Variants in LRRC53 observed in about 807,000 individuals in gnomAD.
The protein encoded by LRRC53 is leucine-rich repeat-containing protein 53.
A neutral mutation model predicts 13.6 loss-of-function variants in LRRC53; 25 were observed. The ratio of observed to expected loss-of-function variants is 1.83; its 90% CI spans 1.34 to 2.56. The LOEUF is 2.56. Among genes scored for constraint, LRRC53 ranks in the 30% most tolerant of loss-of-function variants. The probability of loss-of-function intolerance (pLI) is 0.00; values close to 1 mark genes in which losing one functional copy is unlikely to be tolerated. For missense variants in LRRC53, 527 were observed against 275.8 expected (o/e 1.91, Z -6.45); for synonymous variants, 204 against 109.8 (o/e 1.86, Z -5.37).
At position 74,475,417 on chromosome 1, in the gene LRRC53, C is replaced by G. The variant is rs17095400; in HGVS notation, c.1298G>C (p.Arg433Thr). ...SECSEPPGNM[R>T]AFNEAGLLTT... is the part of the protein sequence containing the mutation. ...AAGTAAGCCTGCTTCATTAAAAGCTCTCATATTTCCAGGAGGCTCTGAACA... is the reference window on the plus strand; with the variant it reads ...AAGTAAGCCTGCTTCATTAAAAGCTGTCATATTTCCAGGAGGCTCTGAACA... The change falls in exon 4 of 5, where the codon AGA (arginine) becomes ACA (threonine). Residue 433 changes from arginine (R) to threonine (T), a missense_variant. By Grantham distance (71) the Arg-to-Thr change is moderately conservative. Coordinates refer to ENST00000294635, the MANE Select transcript of LRRC53 (RefSeq NM_001382280.1). The G allele has an allele frequency of 4.9e-3, 3,527 of 717,080 alleles. 93 individuals are homozygous for G. In the African/African-American group the frequency reaches 0.055, roughly 11 times the overall value. The allele number at this position is 717,080 out of a possible 1,614,324, so 44.4% of individuals were successfully genotyped here. A position where few individuals can be genotyped will look rare whatever the true frequency, so the allele number is the denominator to read the frequency against.
rs1013059215 is a variant in LRRC53, at chr1:74,483,251, A to G, written c.88+11T>C. On this transcript the variant is annotated intron_variant, in intron 2 of 4. Coordinates refer to ENST00000294635, the MANE Select transcript of LRRC53 (RefSeq NM_001382280.1). The stretch of plus-strand genomic sequence containing the variant: ...CTGAGCACTGCTTTTTAGAGTTATT[A>G]GTTTTATTACCTACTATATAGGTTA... 2.8e-6 allele frequency: 2 copies of G among 716,904 alleles called. No homozygotes were observed. The highest frequency in any genetic ancestry group is 5.4e-5 in the East Asian group (2 of 37,268). The allele number at this position is 716,904 out of a possible 1,614,324, so 44.4% of individuals were successfully genotyped here.
At chr1:74,499,690 A>G (rs1669512140) in intron 1 of LRRC53, among the ~76,000 whole-genome samples, 1 of 152,162 alleles carries the variant, frequency 6.6e-6, no homozygotes, top group Non-Finnish European at 1.5e-5. Context: ...CCCACCAAAA[A>G]AATGAGATTT....
At chr1:74,518,210 G>A in the LRRC53 span, among the ~76,000 whole-genome samples, 1 of 151,954 alleles carries the variant, frequency 6.6e-6, no homozygotes, top group Non-Finnish European at 1.5e-5. Context: ...GATCAATGGA[G>A]GAAAAAAGAG....
At chr1:74,473,555 T>C (rs949110985) in intron 4 of LRRC53, among the ~76,000 whole-genome samples, 1 of 151,498 alleles carries the variant, frequency 6.6e-6, no homozygotes, top group African/African-American at 2.4e-5. Flanking sequence ...ATTTTTAACA[T>C]TGTTAGGTGT....
At chr1:74,500,973 A>T (rs1669595638) in intron 1 of LRRC53, among the ~76,000 whole-genome samples, 1 of 152,020 alleles carries the variant, frequency 6.6e-6, no homozygotes, top group Non-Finnish European at 1.5e-5. Flanking sequence ...TTTACTTGTG[A>T]TATATTATGT....
At chr1:74,472,238 A>G (rs939145862) in intron 4 of LRRC53, 37 bp from the exon 5 acceptor site, 2 of 713,806 alleles carry the variant, frequency 2.8e-6, no homozygotes, top group East Asian at 2.7e-5. Context: ...AGCACTTAGC[A>G]GAGTTTTATT....
intron 1 of LRRC53, among the ~76,000 whole-genome samples, chr1:74,490,050 TAA>T (rs36063099): frequency 3.7e-3 from 158 of 42,902 alleles, no homozygotes; most frequent in African/African-American, 0.011. Flanking sequence ...TTTTTTTTTC[TAA>T]AAAAAAAAAA....
At chr1:74,534,498 C>T in the LRRC53 span, among the ~76,000 whole-genome samples, 1 of 152,228 alleles carries the variant, frequency 6.6e-6, no homozygotes, top group South Asian at 2.1e-4. Flanking sequence ...TTGGAAGCCA[C>T]AACACTGTCT....
the LRRC53 span, among the ~76,000 whole-genome samples, chr1:74,519,960 T>C: frequency 6.6e-6 from 1 of 152,162 alleles, no homozygotes; most frequent in Non-Finnish European, 1.5e-5. Flanking sequence ...CTTTGGATAC[T>C]GCCATTTTCT....
At chr1:74,477,766 T>C (rs1172495028) in intron 3 of LRRC53, among the ~76,000 whole-genome samples, 2 of 152,198 alleles carry the variant, frequency 1.3e-5, no homozygotes, top group Non-Finnish European at 2.9e-5. Flanking sequence ...CAAATGAAGC[T>C]TGTAGGCAGG....
intron 1 of LRRC53, among the ~76,000 whole-genome samples, chr1:74,498,501 T>A (rs1669449927): frequency 6.6e-6 from 1 of 152,314 alleles, no homozygotes; most frequent in Non-Finnish European, 1.5e-5. Context: ...GCCTACAATA[T>A]CTCATTTATT....
At chr1:74,531,633 T>G in the LRRC53 span, among the ~76,000 whole-genome samples, 1 of 152,350 alleles carries the variant, frequency 6.6e-6, no homozygotes, top group South Asian at 2.1e-4. Flanking sequence ...ATTATCCTAG[T>G]GTAAACACCT....
rs1246049000 is a variant in LRRC53 at position 74,480,604 on chromosome 1, G to A, written c.453C>T (p.Phe151=). ...TGAGACTGTGGAGATTCGTGCCTCC[G>A]AAAGAACTGTCTGTGAGATTAGTAA... The part of the protein sequence containing the change: ...NQITNLTDSS[F]GGTNLHSLRY... Residue 151 remains phenylalanine (F), a synonymous_variant, in exon 3 of 5, where the codon TTC becomes TTT. Transcript: ENST00000294635. 1 of 717,216 alleles carries A rather than the reference G, an allele frequency of 1.4e-6. No homozygotes were observed. The highest frequency in any genetic ancestry group is 2.6e-6 in the Non-Finnish European group (1 of 385,084). The allele number at this position is 717,216 out of a possible 1,614,324, so 44.4% of individuals were successfully genotyped here. A position where few individuals can be genotyped will look rare whatever the true frequency, so the allele number is the denominator to read the frequency against.
chr1:74,479,310 T>C (rs537798471), intron 3 of LRRC53, among the ~76,000 whole-genome samples: 2 of 152,358 alleles, frequency 1.3e-5, no homozygotes, highest in South Asian at 4.1e-4. Flanking sequence ...AGTGTCATTT[T>C]ATATTATTCA....
chr1:74,510,067 G>A (rs572707157), intron 1 of LRRC53, among the ~76,000 whole-genome samples: 1 of 152,176 alleles, frequency 6.6e-6, no homozygotes, highest in East Asian at 1.9e-4. Flanking sequence ...TATTGCTTGT[G>A]TATTCTTTGG....
chr1:74,522,927 T>C, the LRRC53 span, among the ~76,000 whole-genome samples: 3 of 152,210 alleles, frequency 2.0e-5, no homozygotes, highest in African/African-American at 7.2e-5. Flanking sequence ...AAGCCTACAC[T>C]TCTAACTCCA....
At chr1:74,529,995 T>G in the LRRC53 span, among the ~76,000 whole-genome samples, 90 of 152,240 alleles carry the variant, frequency 5.9e-4, no homozygotes, top group African/African-American at 1.8e-3. Context: ...GGCAGGGTCT[T>G]AATCTGTCAC....
At chr1:74,531,076 A>G in the LRRC53 span, among the ~76,000 whole-genome samples, 1 of 152,230 alleles carries the variant, frequency 6.6e-6, no homozygotes, top group Non-Finnish European at 1.5e-5. Context: ...AAGCAGAACC[A>G]TGACCTGGTT....
upstream of LRRC53, among the ~76,000 whole-genome samples, chr1:74,515,217 A>G (rs567234749): frequency 6.6e-6 from 1 of 152,314 alleles, no homozygotes; most frequent in South Asian, 2.1e-4. Flanking sequence ...AGCCCTAGGA[A>G]ATGAATACAG....
Sources: gnomAD v4.1 joint callset for allele counts (sites outside exome capture counted in the v4.1 genomes callset) on GRCh38, gnomAD v4.1.1 for gene constraint, MANE v1.5 for transcripts, NCBI Gene and HGNC (gene_info 2026-07-23, HGNC 2026-07-21) for gene names.